RNF38: variants seen among roughly 807,000 people sequenced by gnomAD.
RNF38 encodes the protein ring finger protein 38, also known as E3 ubiquitin-protein ligase RNF38.
In RNF38, 15 loss-of-function variants were observed where a neutral mutation model predicts 67.2. That is an observed-to-expected ratio of 0.22 (90% CI 0.15 to 0.34). The LOEUF (loss-of-function observed/expected upper bound fraction) is 0.34. Among genes scored for constraint, RNF38 ranks in the 10% least tolerant of loss-of-function variants. The pLI is 1.00. For missense variants in RNF38, 524 were observed against 639.9 expected (o/e 0.82, Z 1.95); for synonymous variants, 220 against 218.8 (o/e 1.01, Z -0.05).
chr9:36,390,671 A>T, intron 1 of RNF38, 55 bp from the exon 2 acceptor site: 1 of 1,557,262 alleles, frequency 6.4e-7, no homozygotes, highest in Non-Finnish European at 8.8e-7. Context: ...CAATGTGGAG[A>T]ATCACGCCTA....
intron 2 of RNF38, among the ~76,000 whole-genome samples, chr9:36,382,245 C>A (rs546458712): frequency 6.6e-6 from 1 of 152,092 alleles, no homozygotes; most frequent in East Asian, 1.9e-4. Context: ...TAATATAGAA[C>A]GTTGTACAGA....
At chr9:36,341,536 G>C (rs1832831859) in intron 11 of RNF38, among the ~76,000 whole-genome samples, 1 of 151,962 alleles carries the variant, frequency 6.6e-6, no homozygotes, top group Non-Finnish European at 1.5e-5. Context: ...CACAATTTGA[G>C]ACTATGAAAC....
intron 2 of RNF38, among the ~76,000 whole-genome samples, chr9:36,418,981 A>C (rs1838548162): frequency 1.3e-5 from 2 of 152,186 alleles, no homozygotes. Flanking sequence ...ACAAATAAAT[A>C]CTAAAAAGTA....
upstream of RNF38, chr9:36,400,590 G>A: frequency 3.0e-6 from 3 of 986,572 alleles, no homozygotes; most frequent in Non-Finnish European, 3.6e-6. Context: ...GGCAGCTCCC[G>A]CGGATCCTCG....
chr9:36,376,818 T>G (rs1835821849), intron 2 of RNF38, among the ~76,000 whole-genome samples: 1 of 150,618 alleles, frequency 6.6e-6, no homozygotes. Context: ...CCCAGCTACT[T>G]GGGAGGTTGA....
intron 1 of RNF38, among the ~76,000 whole-genome samples, chr9:36,451,447 CAA>C (rs1427236390): frequency 1.6e-5 from 2 of 128,838 alleles, no homozygotes; most frequent in African/African-American, 2.8e-5. Flanking sequence ...GCCTGTGCAA[CAA>C]GAGTGAAACT....
At chr9:36,464,086 C>T (rs1839802306) in intron 1 of RNF38, among the ~76,000 whole-genome samples, 1 of 151,886 alleles carries the variant, frequency 6.6e-6, no homozygotes, top group South Asian at 2.1e-4. Flanking sequence ...ATGGCGTGAA[C>T]CCGGGAGGTG....
At chr9:36,397,413 A>T (rs1400501538) in intron 1 of RNF38, among the ~76,000 whole-genome samples, 1 of 152,140 alleles carries the variant, frequency 6.6e-6, no homozygotes, top group Non-Finnish European at 1.5e-5. Context: ...AAAATAATTT[A>T]AAAATAATTT....
intron 1 of RNF38, among the ~76,000 whole-genome samples, chr9:36,478,954 T>C (rs1229682970): frequency 6.6e-6 from 1 of 152,158 alleles, no homozygotes; most frequent in African/African-American, 2.4e-5. Context: ...CTATATATTT[T>C]CCTCTAAAGT....
chr9:36,400,166 G>C lies in RNF38; in HGVS notation c.-58C>G. ...GACCTCAATAACCTGAAACACTCCC[G>C]TTTCAAAAACCAACCTCTCTCACGC... On this transcript the variant is annotated 5_prime_UTR_variant, in exon 1 of 12. Transcript: ENST00000259605. 1 of 1,599,202 alleles carries C rather than the reference G, an allele frequency of 6.3e-7. No homozygotes were observed. Among genetic ancestry groups the C allele is most frequent in the Non-Finnish European group, 8.5e-7 (1 of 1,173,594 alleles).
At chr9:36,366,644 T>G (rs1397520967) in intron 4 of RNF38, among the ~76,000 whole-genome samples, 6 of 152,242 alleles carry the variant, frequency 3.9e-5, no homozygotes, top group Non-Finnish European at 5.9e-5. Flanking sequence ...TTTTTTCTTC[T>G]TGTCTTTTCT....
Position 36,337,786 on chromosome 9 carries a change from G to A in RNF38, c.*1966C>T, listed in dbSNP as rs758908255. The stretch of plus-strand genomic sequence containing the variant: ...TATCCTAATGATTTAAAAGTAACAT[G>A]TGCATTAACCATGTGCATTTTTACC... On this transcript the variant is annotated 3_prime_UTR_variant, in exon 12 of 12. Transcript: ENST00000259605. 9.2e-5 allele frequency: 14 copies of A among 152,586 alleles called. No homozygotes were observed. The highest frequency in any genetic ancestry group is 1.6e-4 in the Non-Finnish European group (11 of 68,046). The allele number at this position is 152,586 out of a possible 1,614,324, so 9.5% of individuals were successfully genotyped here.
rs1837877045 is a variant in RNF38, at chr9:36,400,000, A to G, written c.12+97T>C. ...AATTCATATAATGGTGGCAATAATT[A>G]CATGTGTGTGTTTCTACTTACGGTA... On this transcript the variant is annotated intron_variant, in intron 1 of 11. Transcript: ENST00000259605. 1.0e-5 allele frequency: 11 copies of G among 1,087,258 alleles called. No homozygotes were observed. In the South Asian group the frequency reaches 1.5e-4, roughly 15 times the overall value. The allele number at this position is 1,087,258 out of a possible 1,614,324, so 67.4% of individuals were successfully genotyped here. A position where few individuals can be genotyped will look rare whatever the true frequency, so the allele number is the denominator to read the frequency against.
chr9:36,445,510 CA>C (rs1839279619), intron 1 of RNF38, among the ~76,000 whole-genome samples: 1 of 152,106 alleles, frequency 6.6e-6, no homozygotes, highest in Non-Finnish European at 1.5e-5. Context: ...AACTGGTCAC[CA>C]TATGTATGAA....
At chr9:36,385,351 T>G (rs1054415368) in intron 2 of RNF38, among the ~76,000 whole-genome samples, 6 of 149,752 alleles carry the variant, frequency 4.0e-5, no homozygotes, top group Non-Finnish European at 7.4e-5. Context: ...CACTGTTTGG[T>G]GGTCTGCTGC....
chr9:36,453,557 T>C (rs1488675988), intron 1 of RNF38, among the ~76,000 whole-genome samples: 2 of 152,108 alleles, frequency 1.3e-5, no homozygotes, highest in African/African-American at 2.4e-5. Context: ...TAATTTTCTA[T>C]ATTTTTAGTA....
At chr9:36,471,492 T>C (rs890174759) in intron 1 of RNF38, among the ~76,000 whole-genome samples, 2 of 152,208 alleles carry the variant, frequency 1.3e-5, no homozygotes, top group South Asian at 4.1e-4. Flanking sequence ...CCCAACCTTT[T>C]TTAAACTTCT....
At chr9:36,358,841 C>T (rs1034251320) in intron 4 of RNF38, among the ~76,000 whole-genome samples, 1 of 152,128 alleles carries the variant, frequency 6.6e-6, no homozygotes, top group African/African-American at 2.4e-5. Context: ...GAAAACCCGT[C>T]TCTACTAAAA....
intron 2 of RNF38, among the ~76,000 whole-genome samples, chr9:36,380,528 T>C (rs1836137021): frequency 6.6e-6 from 1 of 151,934 alleles, no homozygotes; most frequent in African/African-American, 2.4e-5. Context: ...AGTCTCACTC[T>C]GTCATTGAGG....
Sources: gnomAD v4.1 joint callset for allele counts (sites outside exome capture counted in the v4.1 genomes callset) on GRCh38, gnomAD v4.1.1 for gene constraint, MANE v1.5 for transcripts, NCBI Gene and HGNC (gene_info 2026-07-23, HGNC 2026-07-21) for gene names.